The following WFDC3 variants were observed in gnomAD, a reference collection of about 807,000 sequenced individuals.
The protein encoded by WFDC3 is WAP four-disulfide core domain protein 3.
Under a neutral mutation model 25.8 loss-of-function variants are expected in WFDC3, and 15 were observed. That is an observed-to-expected ratio of 0.58 (90% CI 0.39 to 0.89). The LOEUF is 0.89. WFDC3 is among the 40% of genes least tolerant of loss of function. The probability of loss-of-function intolerance (pLI) is 0.00; values close to 1 mark genes in which losing one functional copy is unlikely to be tolerated. For synonymous variants in WFDC3, 103 were observed against 107.1 expected (o/e 0.96, Z 0.24); for missense variants, 264 against 289.8 (o/e 0.91, Z 0.65).
At chr20:45,786,920 C>T (rs146219386) in intron 4 of WFDC3, among the ~76,000 whole-genome samples, 10,164 of 151,640 alleles carry the variant, frequency 0.067, 581 homozygotes, top group African/African-American at 0.15. Context: ...TGACGAAAAC[C>T]CGTCTCTACT....
intron 1 of WFDC3, 89 bp from the exon 2 acceptor site, chr20:45,790,071 C>T: frequency 2.1e-6 from 2 of 950,968 alleles, no homozygotes; most frequent in Non-Finnish European, 3.3e-6. Flanking sequence ...CTAGGGATGG[C>T]CCCAAACCCA....
In WFDC3 at chr20:45,791,173, C is replaced by CTTTTT. The variant is rs71181859; in HGVS notation, c.-8+654_-8+658dup. On this transcript the variant is annotated intron_variant, in intron 1 of 6. Transcript: ENST00000243938. The stretch of plus-strand genomic sequence containing the variant: ...GATGACCTCATATGTGCCTAATATG[C>CTTTTT]TTTTTTTTTTTTTTTTTTTTTTTTT... 3.0e-4 allele frequency among the ~76,000 whole-genome samples: 19 copies of CTTTTT among 63,914 alleles called. 1 individual carries two copies. The highest frequency in any genetic ancestry group is 6.3e-4 in the African/African-American group (11 of 17,470). The allele number at this position is 63,914 out of a possible 152,430, so 41.9% of individuals were successfully genotyped here. A position where few individuals can be genotyped will look rare whatever the true frequency, so the allele number is the denominator to read the frequency against.
At chr20:45,780,786 C>T (rs959824937) in intron 4 of WFDC3, among the ~76,000 whole-genome samples, 6 of 152,168 alleles carry the variant, frequency 3.9e-5, no homozygotes, top group Admixed American at 6.5e-5. Context: ...AAAATTTCAG[C>T]ACTTCTTAAC....
At chr20:45,782,332 CT>C (rs1189587017) in intron 4 of WFDC3, among the ~76,000 whole-genome samples, 1 of 151,974 alleles carries the variant, frequency 6.6e-6, no homozygotes, top group Non-Finnish European at 1.5e-5. Flanking sequence ...TTCCATTTTT[CT>C]TTTTCATTGT....
In WFDC3 at chr20:45,777,056, CCCAAAAG is replaced by C; in HGVS notation, c.493+12_493+18del. 6.2e-7 allele frequency: 1 copy of C among 1,611,870 alleles called. No homozygotes were observed. The highest frequency in any genetic ancestry group is 8.5e-7 in the Non-Finnish European group (1 of 1,179,550). ...CTCAGGAAACACTCAAGGATTTCTT[CCCAAAAG>C]AGCCAACATACCTCCCTCAATGTCT... On this transcript the variant is annotated intron_variant, in intron 5 of 6. Transcript: ENST00000243938.
At chr20:45,784,046 G>C (rs1276335372) in intron 4 of WFDC3, among the ~76,000 whole-genome samples, 1 of 152,198 alleles carries the variant, frequency 6.6e-6, no homozygotes, top group African/African-American at 2.4e-5. Context: ...GGCTGGCCAG[G>C]GGCCAGAGCA....
At chr20:45,775,364 GCTTTGCA>G in intron 6 of WFDC3, 46 bp downstream of exon 6, 2 of 1,590,130 alleles carry the variant, frequency 1.3e-6, no homozygotes, top group Non-Finnish European at 1.7e-6. Context: ...CTAAGCCAGT[GCTTTGCA>G]CATAGCAGTT....
chr20:45,777,257 A>G (rs1173663449), intron 4 of WFDC3, 48 bp from the exon 5 acceptor site: 3 of 1,420,408 alleles, frequency 2.1e-6, no homozygotes, highest in South Asian at 3.4e-5. Context: ...AATATGAAAC[A>G]CATTTTTCAT....
chr20:45,787,816 G>A lies in WFDC3; in HGVS notation c.358+20C>T, dbSNP rs199508052. The A allele has an allele frequency of 1.4e-4, 228 of 1,606,958 alleles. No homozygotes were observed. Among genetic ancestry groups the A allele is most frequent in the Non-Finnish European group, 1.8e-4 (216 of 1,176,590 alleles). ...AAGCAGACCAAACAGACCATGAGGT[G>A]TGGGGACAGCGTTTCTTACCCAGCT... On this transcript the variant is annotated intron_variant, in intron 4 of 6. Transcript: ENST00000243938.
chr20:45,778,379 A>T (rs1036893082), intron 4 of WFDC3, among the ~76,000 whole-genome samples: 5 of 152,206 alleles, frequency 3.3e-5, no homozygotes, highest in African/African-American at 4.8e-5. Flanking sequence ...AAGAGTAACT[A>T]TATTGCTTTA....
chr20:45,787,707 T>G, intron 4 of WFDC3, 129 bp downstream of exon 4: 1 of 1,219,034 alleles, frequency 8.2e-7, no homozygotes, highest in Non-Finnish European at 1.1e-6. Context: ...GTGCACCCTT[T>G]GTATATCTTT....
At chr20:45,787,281 T>G (rs1980717222) in intron 4 of WFDC3, among the ~76,000 whole-genome samples, 1 of 140,404 alleles carries the variant, frequency 7.1e-6, no homozygotes, top group Admixed American at 7.1e-5. Context: ...TTTTCTTTTT[T>G]CTTTTTTTTT....
At chr20:45,785,787 A>G (rs1175843894) in intron 4 of WFDC3, among the ~76,000 whole-genome samples, 1 of 152,120 alleles carries the variant, frequency 6.6e-6, no homozygotes, top group Non-Finnish European at 1.5e-5. Context: ...GAAGGAATAG[A>G]GCAGAGAGCC....
intron 4 of WFDC3, among the ~76,000 whole-genome samples, chr20:45,784,038 C>T (rs1980566210): frequency 6.6e-6 from 1 of 152,236 alleles, no homozygotes; most frequent in Admixed American, 6.5e-5. Context: ...CCTATCTGGG[C>T]TGGCCAGGGG....
intron 4 of WFDC3, among the ~76,000 whole-genome samples, chr20:45,784,319 G>A (rs961142666): frequency 3.9e-5 from 6 of 152,362 alleles, no homozygotes; most frequent in African/African-American, 7.2e-5. Context: ...TACCAGCAAG[G>A]GGCCTCCTAC....
chr20:45,774,220 C>A lies in WFDC3; in HGVS notation c.*208G>T, dbSNP rs1980029978. On this transcript the variant is annotated 3_prime_UTR_variant, in exon 7 of 7. Transcript: ENST00000243938. ...AATAGCACAAACAAGAGGTCAGCAC[C>A]AGCCTTTATCGGGAAAGAGAAGCAC... is the stretch of plus-strand genomic sequence containing the variant. 3.1e-6 allele frequency: 2 copies of A among 645,660 alleles called. No homozygotes were observed. The highest frequency in any genetic ancestry group is 5.5e-5 in the East Asian group (2 of 36,466). The allele number at this position is 645,660 out of a possible 1,614,324, so 40.0% of individuals were successfully genotyped here.
chr20:45,778,741 G>A (rs1437607355), intron 4 of WFDC3: 1 of 152,048 alleles, frequency 6.6e-6, no homozygotes, highest in African/African-American at 2.4e-5. Context: ...CCTCGACAAG[G>A]ATGGAAGAGG....
intron 2 of WFDC3, among the ~76,000 whole-genome samples, chr20:45,789,657 A>C (rs1980856321): frequency 6.6e-6 from 1 of 152,134 alleles, no homozygotes; most frequent in Admixed American, 6.6e-5. Flanking sequence ...TCTAGGGAAA[A>C]GCTAGAACCT....
At chr20:45,779,363 C>T (rs1980337145) in intron 4 of WFDC3, among the ~76,000 whole-genome samples, 1 of 152,196 alleles carries the variant, frequency 6.6e-6, no homozygotes, top group Non-Finnish European at 1.5e-5. Context: ...TCTGGGAAGT[C>T]TGCCATGATG....
Sources: gnomAD v4.1 joint callset for allele counts (sites outside exome capture counted in the v4.1 genomes callset) on GRCh38, gnomAD v4.1.1 for gene constraint, MANE v1.5 for transcripts, NCBI Gene and HGNC (gene_info 2026-07-23, HGNC 2026-07-21) for gene names.